Variants in AXDND1 observed in about 807,000 individuals in gnomAD.
AXDND1 encodes axonemal dynein light chain domain-containing protein 1.
In AXDND1, 110 loss-of-function variants were observed where a neutral mutation model predicts 137.5. The ratio of observed to expected loss-of-function variants is 0.80; its 90% CI spans 0.69 to 0.94. AXDND1 has a LOEUF of 0.94. Ranked by LOEUF, AXDND1 falls within the 40% of genes least tolerant of loss-of-function variation. The probability of loss-of-function intolerance (pLI) is 0.00; values close to 1 mark genes in which losing one functional copy is unlikely to be tolerated. For missense variants in AXDND1, 1,191 were observed against 1,169.8 expected, an observed-to-expected ratio of 1.02 and a Z score of -0.26; for synonymous variants, 414 against 399.7, an observed-to-expected ratio of 1.04 and a Z score of -0.43.
chr1:179,389,083 C>T (rs1189954918), intron 9 of AXDND1, among the ~76,000 whole-genome samples: 1 of 141,158 alleles, frequency 7.1e-6, no homozygotes, highest in African/African-American at 2.6e-5. Flanking sequence ...AAGTGATTCT[C>T]CCGCCTCAGC....
At chr1:179,409,378 ATG>A (rs1483843464) in intron 11 of AXDND1, among the ~76,000 whole-genome samples, 3 of 152,142 alleles carry the variant, frequency 2.0e-5, no homozygotes, top group African/African-American at 7.2e-5. Flanking sequence ...TTAAAAAAAT[ATG>A]TAAGATCTTG....
rs1460627655 is a variant in AXDND1, at chr1:179,554,401, C to A, written c.3032-111C>A. ...ATAGTACTCAGTGAAAATAATTTTT[C>A]AAATGAAAAATTTAAAATGAAACCA... On this transcript the variant is annotated intron_variant, in intron 25 of 25. Coordinates refer to ENST00000367618, the MANE Select transcript of AXDND1 (RefSeq NM_144696.6). 4 of 1,588,728 alleles carry A rather than the reference C, an allele frequency of 2.5e-6. No individual in the cohort carries two copies. In the East Asian group the frequency reaches 6.7e-5, roughly 27 times the overall value.
At chr1:179,401,688 C>T (rs1652081371) in intron 11 of AXDND1, among the ~76,000 whole-genome samples, 1 of 151,974 alleles carries the variant, frequency 6.6e-6, no homozygotes, top group Non-Finnish European at 1.5e-5. Context: ...GGTGGTTTCC[C>T]TGTACTGTTC....
intron 16 of AXDND1, among the ~76,000 whole-genome samples, chr1:179,463,156 G>A (rs922489095): frequency 3.9e-5 from 6 of 152,102 alleles, no homozygotes. Context: ...CTTGCCTTCT[G>A]CTAGCTTTTG....
intron 12 of AXDND1, among the ~76,000 whole-genome samples, chr1:179,419,766 A>G (rs1198625069): frequency 6.6e-6 from 1 of 152,196 alleles, no homozygotes; most frequent in Non-Finnish European, 1.5e-5. Context: ...CAATTGGTAT[A>G]TATAAATCCT....
At chr1:179,552,806 G>A (rs1673511152) in intron 25 of AXDND1, 1 of 748,716 alleles carries the variant, frequency 1.3e-6, no homozygotes, top group East Asian at 2.7e-5. Flanking sequence ...AGTGACCAGA[G>A]TGTGCCATTC....
rs149222953 is a variant in AXDND1 at position 179,462,536 on chromosome 1, G to C, written c.1799-5907G>C. Among the ~76,000 whole-genome samples the C allele has an allele frequency of 3.4e-4, 52 of 152,246 alleles. No homozygotes were observed. In the East Asian group the frequency reaches 0.01, roughly 29 times the overall value. Reference sequence around the variant, plus strand: ...TTTTGTTGTGTCTCTGCCAGGCTTTGGTATCAGGATGATTCTGGCCTCATA... The same window carrying C: ...TTTTGTTGTGTCTCTGCCAGGCTTTCGTATCAGGATGATTCTGGCCTCATA... On this transcript the variant is annotated intron_variant, in intron 16 of 25. Transcript: ENST00000367618.
intron 25 of AXDND1, among the ~76,000 whole-genome samples, chr1:179,552,971 A>T (rs1293081571): frequency 1.3e-5 from 2 of 152,246 alleles, no homozygotes; most frequent in African/African-American, 2.4e-5. Flanking sequence ...TCCGCTTAGG[A>T]TATAATCTAA....
chr1:179,501,461 C>T (rs1444959528), intron 20 of AXDND1, among the ~76,000 whole-genome samples: 1 of 152,142 alleles, frequency 6.6e-6, no homozygotes, highest in Non-Finnish European at 1.5e-5. Context: ...CCTGTAATCC[C>T]AGCACTTTGG....
chr1:179,418,821 G>T (rs1177311228), intron 12 of AXDND1, among the ~76,000 whole-genome samples: 1 of 151,906 alleles, frequency 6.6e-6, no homozygotes, highest in Non-Finnish European at 1.5e-5. Context: ...CTTCTCAGAC[G>T]GGGCGGCTGC....
chr1:179,417,406 A>G (rs1654871391), intron 12 of AXDND1, among the ~76,000 whole-genome samples: 1 of 152,100 alleles, frequency 6.6e-6, no homozygotes, highest in Admixed American at 6.6e-5. Context: ...GAGGTCTTAC[A>G]CGGAAAATCT....
At chr1:179,435,663 C>T (rs1240576505) in intron 15 of AXDND1, among the ~76,000 whole-genome samples, 1 of 152,070 alleles carries the variant, frequency 6.6e-6, no homozygotes, top group Non-Finnish European at 1.5e-5. Flanking sequence ...AAACTTGACC[C>T]CTTCCTTACA....
At chr1:179,456,311 A>G (rs1328265441) in intron 16 of AXDND1, 1 of 749,530 alleles carries the variant, frequency 1.3e-6, no homozygotes, top group East Asian at 2.5e-5. Flanking sequence ...ATTGGCCTCC[A>G]CCACCACAGG....
intron 17 of AXDND1, among the ~76,000 whole-genome samples, chr1:179,480,136 T>C (rs6672804): frequency 0.46 from 69,436 of 152,042 alleles, 16,745 homozygotes; most frequent in East Asian, 0.76. Flanking sequence ...TTTGGGTATA[T>C]TTACAGTAGC....
intron 21 of AXDND1, 116 bp from the exon 22 acceptor site, chr1:179,525,218 A>G: frequency 9.6e-7 from 1 of 1,041,240 alleles, no homozygotes; most frequent in Non-Finnish European, 1.3e-6. Context: ...CAACCTTTGT[A>G]TCCTTGTCAC....
At chr1:179,490,914 C>T (rs990632664) in intron 18 of AXDND1, among the ~76,000 whole-genome samples, 2 of 152,168 alleles carry the variant, frequency 1.3e-5, no homozygotes, top group Non-Finnish European at 2.9e-5. Context: ...ACTGTTATTT[C>T]CCTCAATTTA....
intron 9 of AXDND1, among the ~76,000 whole-genome samples, chr1:179,391,240 T>C (rs1245444722): frequency 6.6e-6 from 1 of 152,100 alleles, no homozygotes; most frequent in Non-Finnish European, 1.5e-5. Flanking sequence ...TTCTGCATGA[T>C]ACCTTGTTTC....
intron 9 of AXDND1, 103 bp from the exon 10 acceptor site, chr1:179,393,800 G>C (rs944123423): frequency 1.1e-6 from 1 of 906,222 alleles, no homozygotes; most frequent in South Asian, 2.7e-5. Flanking sequence ...GGTTTTCTTG[G>C]TGTATAGCAG....
At chr1:179,455,108 AG>A (rs765541300) in intron 16 of AXDND1, 14,054 of 137,160 alleles carry the variant, frequency 0.1, 1,142 homozygotes, top group African/African-American at 0.22. Flanking sequence ...AAAAAAAAAA[AG>A]AAAAAAGAAA....
Sources: gnomAD v4.1 joint callset for allele counts (sites outside exome capture counted in the v4.1 genomes callset) on GRCh38, gnomAD v4.1.1 for gene constraint, MANE v1.5 for transcripts, NCBI Gene and HGNC (gene_info 2026-07-23, HGNC 2026-07-21) for gene names.